Variants in NBEA observed in about 807,000 individuals in gnomAD.
NBEA encodes lysosomal-trafficking regulator 2.
A neutral mutation model predicts 343.4 loss-of-function variants in NBEA; 44 were observed. The observed-to-expected ratio is 0.13, with a 90% CI of 0.10 to 0.16. The LOEUF (loss-of-function observed/expected upper bound fraction) is 0.16, where lower values mean the gene tolerates loss of function less well. Among genes scored for constraint, NBEA ranks in the 10% least tolerant of loss-of-function variants. The pLI is 1.00. For missense variants in NBEA, 2,555 were observed against 3,631.3 expected (o/e 0.70, Z 7.62); for synonymous variants, 1,175 against 1,238.7 (o/e 0.95, Z 1.08).
At chr13:35,563,501 G>T (rs11616571) in intron 44 of NBEA, among the ~76,000 whole-genome samples, 56,109 of 151,562 alleles carry the variant, frequency 0.37, 11,372 homozygotes, top group Middle Eastern at 0.5. Context: ...TTTTTTCCAT[G>T]TAACATTAAA....
chr13:35,582,270 T>A (rs1314125383), intron 45 of NBEA, among the ~76,000 whole-genome samples: 4 of 151,982 alleles, frequency 2.6e-5, no homozygotes, highest in Non-Finnish European at 4.4e-5. Context: ...TAGGCAACAG[T>A]GCGAGACTCC....
intron 34 of NBEA, among the ~76,000 whole-genome samples, chr13:35,254,628 T>C (rs1035631805): frequency 2.0e-5 from 3 of 152,170 alleles, no homozygotes; most frequent in Non-Finnish European, 4.4e-5. Flanking sequence ...GGCCTATTTC[T>C]TACTTTTGAT....
chr13:35,180,782 A>G (rs1392477431), intron 28 of NBEA, among the ~76,000 whole-genome samples: 4 of 151,782 alleles, frequency 2.6e-5, no homozygotes, highest in African/African-American at 7.2e-5. Context: ...CCTGATCAAT[A>G]TACACTGACC....
intron 41 of NBEA, among the ~76,000 whole-genome samples, chr13:35,497,327 G>T (rs879081879): frequency 6.6e-6 from 1 of 151,952 alleles, no homozygotes; most frequent in African/African-American, 2.4e-5. Flanking sequence ...ATATTTATCT[G>T]CATTAAAACA....
intron 52 of NBEA, among the ~76,000 whole-genome samples, chr13:35,651,077 A>T (rs2084499376): frequency 6.6e-6 from 1 of 152,210 alleles, no homozygotes; most frequent in Non-Finnish European, 1.5e-5. Flanking sequence ...TTCTCAGGAG[A>T]CAGCCTCTAG....
At chr13:35,118,578 C>T in intron 16 of NBEA, 104 bp downstream of exon 16, 1 of 861,334 alleles carries the variant, frequency 1.2e-6, no homozygotes, top group Non-Finnish European at 1.8e-6. Context: ...ATAGCAAAGT[C>T]TTGCACATAA....
intron 1 of NBEA, among the ~76,000 whole-genome samples, chr13:35,028,811 T>C (rs2062102324): frequency 6.6e-6 from 1 of 151,514 alleles, no homozygotes; most frequent in African/African-American, 2.4e-5. Context: ...AACTCTAATA[T>C]ACTTTCTTTC....
intron 1 of NBEA, among the ~76,000 whole-genome samples, chr13:34,955,976 TTA>T (rs2059477735): frequency 6.6e-6 from 1 of 152,212 alleles, no homozygotes; most frequent in African/African-American, 2.4e-5. Flanking sequence ...ACACCTAAAA[TTA>T]ACCATCATAA....
intron 1 of NBEA, among the ~76,000 whole-genome samples, chr13:35,002,022 G>A (rs2061158918): frequency 6.6e-6 from 1 of 152,102 alleles, no homozygotes; most frequent in Non-Finnish European, 1.5e-5. Context: ...AAGAATTATG[G>A]GGGAATAGCC....
At chr13:35,315,775 C>G (rs2037674006) in intron 36 of NBEA, among the ~76,000 whole-genome samples, 2 of 152,092 alleles carry the variant, frequency 1.3e-5, no homozygotes, top group East Asian at 3.9e-4. Flanking sequence ...ATATTGCATC[C>G]AAGTATAATT....
At chr13:35,147,687 A>T (rs1214070508) in intron 18 of NBEA, among the ~76,000 whole-genome samples, 1 of 152,122 alleles carries the variant, frequency 6.6e-6, no homozygotes, top group Non-Finnish European at 1.5e-5. Context: ...GCTCTGGATT[A>T]GTTATTTGAT....
intron 50 of NBEA, 52 bp downstream of exon 50, chr13:35,645,983 G>T: frequency 3.4e-6 from 4 of 1,173,784 alleles, no homozygotes; most frequent in Non-Finnish European, 4.9e-6. Context: ...TTAGCTGCAT[G>T]CATGTATTCA....
At chr13:35,668,635 A>T in intron 58 of NBEA, 116 bp downstream of exon 58, 1 of 1,082,500 alleles carries the variant, frequency 9.2e-7, no homozygotes, top group Admixed American at 3.4e-5. Context: ...TGAAAGAAAG[A>T]CTGGCAAAGA....
chr13:35,621,035 G>A (rs7335348), intron 48 of NBEA, among the ~76,000 whole-genome samples: 6,680 of 152,140 alleles, frequency 0.044, 520 homozygotes, highest in African/African-American at 0.15. Flanking sequence ...TCTAAGCAGC[G>A]GAAAAAGCCA....
At chr13:35,445,791 T>TATATATAC (rs1566144526) in intron 39 of NBEA, among the ~76,000 whole-genome samples, 2 of 70,274 alleles carry the variant, frequency 2.8e-5, no homozygotes, top group East Asian at 5.6e-4. Flanking sequence ...TTTATATATA[T>TATATATAC]ATATATATAT....
At chr13:35,297,227 C>G (rs2036194116) in intron 35 of NBEA, among the ~76,000 whole-genome samples, 1 of 151,994 alleles carries the variant, frequency 6.6e-6, no homozygotes, top group Non-Finnish European at 1.5e-5. Flanking sequence ...CCAATTATTT[C>G]AAACTCTTTT....
chr13:35,481,642 A>G (rs1273868773), intron 41 of NBEA, among the ~76,000 whole-genome samples: 4 of 151,852 alleles, frequency 2.6e-5, no homozygotes, highest in Admixed American at 1.3e-4. Context: ...GAAAGTTACT[A>G]TTATCTTTCT....
intron 55 of NBEA, among the ~76,000 whole-genome samples, chr13:35,657,122 A>C (rs1222346246): frequency 6.6e-6 from 1 of 152,226 alleles, no homozygotes; most frequent in African/African-American, 2.4e-5. Flanking sequence ...ATCATAGTAC[A>C]GGAGAGAATG....
intron 1 of NBEA, among the ~76,000 whole-genome samples, chr13:34,951,064 C>G (rs1015228788): frequency 1.3e-5 from 2 of 152,132 alleles, no homozygotes; most frequent in African/African-American, 4.8e-5. Flanking sequence ...TAAACTGTTA[C>G]AGCTATTCCG....
Sources: gnomAD v4.1 joint callset for allele counts (sites outside exome capture counted in the v4.1 genomes callset) on GRCh38, gnomAD v4.1.1 for gene constraint, MANE v1.5 for transcripts, NCBI Gene and HGNC (gene_info 2026-07-23, HGNC 2026-07-21) for gene names.